FILIP1L: variants seen among roughly 807,000 people sequenced by gnomAD.
FILIP1L encodes filamin A interacting protein 1 like.
A neutral mutation model predicts 96.6 loss-of-function variants in FILIP1L; 55 were observed. That is an observed-to-expected ratio of 0.57 (90% CI 0.46 to 0.71). The LOEUF (loss-of-function observed/expected upper bound fraction) is 0.71. Ranked by LOEUF, FILIP1L falls within the 30% of genes least tolerant of loss-of-function variation. The pLI, the probability that FILIP1L is intolerant of heterozygous loss-of-function variation, is 0.00. For synonymous variants in FILIP1L, 467 were observed against 473.9 expected (o/e 0.99, Z 0.19); for missense variants, 1,304 against 1,321.2 (o/e 0.99, Z 0.20).
chr3:99,974,862 A>C (rs1361082536), intron 1 of FILIP1L, among the ~76,000 whole-genome samples: 1 of 152,168 alleles, frequency 6.6e-6, no homozygotes, highest in Non-Finnish European at 1.5e-5. Context: ...TCTCTTTCCT[A>C]CCCCTTGGCA....
intron 1 of FILIP1L, among the ~76,000 whole-genome samples, chr3:99,987,402 A>C (rs1409138208): frequency 6.6e-6 from 1 of 150,778 alleles, no homozygotes; most frequent in Non-Finnish European, 1.5e-5. Flanking sequence ...GGTGGCATAC[A>C]CCTGTTATCT....
At chr3:99,983,498 A>G (rs1423166553) in intron 1 of FILIP1L, among the ~76,000 whole-genome samples, 3 of 105,904 alleles carry the variant, frequency 2.8e-5, no homozygotes, top group South Asian at 3.0e-4. Flanking sequence ...ATATATATAT[A>G]TATATATATA....
At chr3:99,853,258 A>C (rs1012187907) in intron 4 of FILIP1L, among the ~76,000 whole-genome samples, 6 of 152,240 alleles carry the variant, frequency 3.9e-5, no homozygotes, top group Admixed American at 3.3e-4. Flanking sequence ...CATTCGATGT[A>C]ATGGTTTTGA....
At chr3:100,045,678 G>A (rs1360527004) in intron 1 of FILIP1L, among the ~76,000 whole-genome samples, 1 of 152,132 alleles carries the variant, frequency 6.6e-6, no homozygotes, top group Admixed American at 6.5e-5. Context: ...TTGATTTGTT[G>A]AGAAATATCT....
intron 4 of FILIP1L, among the ~76,000 whole-genome samples, chr3:99,899,634 G>C (rs1706370872): frequency 6.6e-6 from 1 of 152,154 alleles, no homozygotes; most frequent in Non-Finnish European, 1.5e-5. Context: ...CTAGGAATCT[G>C]ACATAAAGTA....
intron 5 of FILIP1L, among the ~76,000 whole-genome samples, chr3:99,842,706 A>C (rs1312104564): frequency 1.3e-5 from 2 of 152,194 alleles, no homozygotes; most frequent in African/African-American, 4.8e-5. Flanking sequence ...CACAAATAAA[A>C]GTGATTATCC....
intron 1 of FILIP1L, among the ~76,000 whole-genome samples, chr3:100,031,096 T>C (rs2065014879): frequency 6.6e-6 from 1 of 152,148 alleles, no homozygotes; most frequent in South Asian, 2.1e-4. Context: ...TCAGATTCTA[T>C]TTTTTTCTGC....
At chr3:99,962,661 G>C (rs541753332) in intron 1 of FILIP1L, among the ~76,000 whole-genome samples, 164 of 152,298 alleles carry the variant, frequency 1.1e-3, no homozygotes, top group African/African-American at 3.8e-3. Flanking sequence ...ATATAGCACT[G>C]TAGGCCTGGT....
At chr3:100,086,305 G>A (rs1250021337) in intron 1 of FILIP1L, among the ~76,000 whole-genome samples, 3 of 152,152 alleles carry the variant, frequency 2.0e-5, no homozygotes, top group South Asian at 2.1e-4. Flanking sequence ...GAAAAGCCAC[G>A]AAGTTAGTTG....
At chr3:100,016,764 G>A (rs1162787243) in intron 1 of FILIP1L, among the ~76,000 whole-genome samples, 1 of 152,092 alleles carries the variant, frequency 6.6e-6, no homozygotes, top group Non-Finnish European at 1.5e-5. Context: ...TTAGATATGT[G>A]CAAAGTTGCT....
At chr3:99,892,076 C>T (rs559432909) in intron 4 of FILIP1L, among the ~76,000 whole-genome samples, 111 of 152,298 alleles carry the variant, frequency 7.3e-4, no homozygotes, top group African/African-American at 2.3e-3. Flanking sequence ...GGTCTAAGAG[C>T]TTCTGCTATG....
chr3:99,947,903 A>T (rs939090144), intron 1 of FILIP1L, among the ~76,000 whole-genome samples: 3 of 152,292 alleles, frequency 2.0e-5, no homozygotes, highest in Non-Finnish European at 4.4e-5. Context: ...CCTTTCATGG[A>T]GGAAGCTGTT....
rs116722688 is a variant in FILIP1L at position 99,846,327 on chromosome 3, A to T, written c.3381+1968T>A. Among the ~76,000 whole-genome samples, 388 of 152,318 alleles carry T rather than the reference A, an allele frequency of 2.5e-3. 3 individuals are homozygous for T. Among genetic ancestry groups the T allele is most frequent in the African/African-American group, 8.9e-3 (368 of 41,572 alleles). On this transcript the variant is annotated intron_variant, in intron 5 of 5. Coordinates refer to ENST00000477258, the MANE Select transcript of FILIP1L (RefSeq NM_001387850.1). ...ACTTTGTTCTTAAATTCTGATTTCC[A>T]TTGTTCATAATTTTATGATCAGTTG...
rs370064657 is a variant in FILIP1L at position 99,930,026 on chromosome 3, G to T, written c.256C>A (p.Arg86=). The T allele has an allele frequency of 2.5e-6, 4 of 1,597,952 alleles. No homozygotes were observed. The highest frequency in any genetic ancestry group is 2.6e-6 in the Non-Finnish European group (3 of 1,173,786). The change falls in exon 3 of 6, where the codon CGA becomes AGA. Residue 86 remains arginine, a synonymous_variant. Coordinates refer to ENST00000477258, the MANE Select transcript of FILIP1L (RefSeq NM_001387850.1). ...TTTAAAATGCCTATGACCTCATCTC[G>T]AGCCTGTAGGAACAAAAAGTATTTC... is the stretch of plus-strand genomic sequence containing the variant. The part of the protein sequence containing the change: ...LSILEGELQA[R]DEVIGILKAE...
intron 1 of FILIP1L, among the ~76,000 whole-genome samples, chr3:99,938,616 C>A (rs1707763926): frequency 6.6e-6 from 1 of 152,138 alleles, no homozygotes; most frequent in Admixed American, 6.5e-5. Context: ...AGATTTAGTT[C>A]CCTGAAAGAA....
At chr3:99,851,157 TA>T in intron 4 of FILIP1L, 87 bp from the exon 5 acceptor site, 1 of 1,032,818 alleles carries the variant, frequency 9.7e-7, no homozygotes, top group Non-Finnish European at 1.4e-6. Context: ...ATTTAGAAAT[TA>T]TGTAATTATA....
intron 1 of FILIP1L, chr3:100,010,101 CT>C (rs1256489288): frequency 5.6e-5 from 49 of 876,692 alleles, no homozygotes; most frequent in Non-Finnish European, 6.4e-5. Context: ...CAAGTTCTCA[CT>C]TTTTTCTTTC....
At chr3:99,844,383 A>G (rs942614528) in intron 5 of FILIP1L, among the ~76,000 whole-genome samples, 14 of 152,154 alleles carry the variant, frequency 9.2e-5, no homozygotes, top group African/African-American at 3.4e-4. Flanking sequence ...ATTTTTGCCT[A>G]TCTTTTCTCT....
intron 4 of FILIP1L, among the ~76,000 whole-genome samples, chr3:99,893,050 G>T (rs1313256165): frequency 1.3e-5 from 2 of 151,986 alleles, no homozygotes; most frequent in Non-Finnish European, 1.5e-5. Context: ...CAAGCATGAT[G>T]CTCTGTGTGT....
Sources: allele counts gnomAD v4.1 joint callset (sites outside exome capture counted in the v4.1 genomes callset), GRCh38; gene constraint gnomAD v4.1.1; transcripts MANE v1.5; gene names NCBI Gene and HGNC (gene_info 2026-07-23, HGNC 2026-07-21).